The following PCDH15 variants were observed in gnomAD, a reference collection of about 807,000 sequenced individuals.
PCDH15 encodes protocadherin related 15.
A neutral mutation model predicts 178.5 loss-of-function variants in PCDH15; 129 were observed. That is an observed-to-expected ratio of 0.72 (90% CI 0.63 to 0.84). PCDH15 has a LOEUF of 0.84. Among genes scored for constraint, PCDH15 ranks in the 40% least tolerant of loss-of-function variants. The pLI, the probability that PCDH15 is intolerant of heterozygous loss-of-function variation, is 0.00. For missense variants in PCDH15, 2,230 were observed against 2,099.9 expected, an observed-to-expected ratio of 1.06 and a Z score of -1.21; for synonymous variants, 800 against 732.0, an observed-to-expected ratio of 1.09 and a Z score of -1.50.
chr10:55,157,682 A>G (rs914788242), intron 2 of PCDH15, among the ~76,000 whole-genome samples: 10 of 151,886 alleles, frequency 6.6e-5, no homozygotes, highest in Non-Finnish European at 1.5e-4. Context: ...GGAAACCATC[A>G]TTCCTAGCAA....
rs571907648 is a variant in PCDH15 at position 53,969,214 on chromosome 10, C to G, written c.2869-7322G>C. ...GCACGAGAACTATCTGAGGCATGCA[C>G]AAGCTTCAGTAGCCGATTTGATCAA... On this transcript the variant is annotated intron_variant, in intron 21 of 37. Coordinates refer to ENST00000644397, the MANE Select transcript of PCDH15 (RefSeq NM_001384140.1). Among the ~76,000 whole-genome samples, 208 of 152,230 alleles carry G rather than the reference C, an allele frequency of 1.4e-3. 1 individual carries two copies. The highest frequency in any genetic ancestry group is 4.7e-3 in the African/African-American group (197 of 41,544).
At chr10:53,899,142 CG>C (rs57832917) in intron 26 of PCDH15, among the ~76,000 whole-genome samples, 13,568 of 139,826 alleles carry the variant, frequency 0.097, 1,846 homozygotes, top group African/African-American at 0.3. Flanking sequence ...TACTTTTTTT[CG>C]GGGGGGGGTG....
intron 2 of PCDH15, among the ~76,000 whole-genome samples, chr10:55,538,844 C>CCCTTCCTTCCTT (rs1841680214): frequency 1.7e-5 from 1 of 57,832 alleles, no homozygotes; most frequent in African/African-American, 8.7e-5. Context: ...GTTCCTTCCT[C>CCCTTCCTTCCTT]CTTTCCTTCC....
intron 1 of PCDH15, among the ~76,000 whole-genome samples, chr10:55,299,445 C>A (rs1278081483): frequency 6.6e-6 from 1 of 152,132 alleles, no homozygotes; most frequent in Non-Finnish European, 1.5e-5. Flanking sequence ...ATTAGATAAT[C>A]AGAAAATGAT....
chr10:54,540,186 C>A (rs2132946004), intron 2 of PCDH15, among the ~76,000 whole-genome samples: 1 of 152,060 alleles, frequency 6.6e-6, no homozygotes, highest in South Asian at 2.1e-4. Context: ...GCATAAAAAT[C>A]CATAAAAGCA....
chr10:55,608,581 G>T (rs1843285964), intron 2 of PCDH15, among the ~76,000 whole-genome samples: 1 of 151,694 alleles, frequency 6.6e-6, no homozygotes. Flanking sequence ...AAACACCATG[G>T]GTTCTGTCTA....
intron 2 of PCDH15, among the ~76,000 whole-genome samples, chr10:55,555,225 G>T (rs1012801361): frequency 1.8e-4 from 27 of 152,032 alleles, no homozygotes; most frequent in Admixed American, 1.4e-3. Context: ...TCCTCACAAT[G>T]ATTAAAAAAG....
At chr10:54,854,244 A>G (rs1472550772) in intron 3 of PCDH15, among the ~76,000 whole-genome samples, 1 of 152,140 alleles carries the variant, frequency 6.6e-6, no homozygotes, top group Non-Finnish European at 1.5e-5. Flanking sequence ...AGATGCCAGA[A>G]ACTCCAGGGC....
At chr10:54,559,401 A>G (rs1033188515) in intron 2 of PCDH15, among the ~76,000 whole-genome samples, 1 of 152,090 alleles carries the variant, frequency 6.6e-6, no homozygotes, top group African/African-American at 2.4e-5. Context: ...CATCCTCTGT[A>G]TAAATGAAAC....
At chr10:54,247,680 A>G (rs117263063) in intron 8 of PCDH15, among the ~76,000 whole-genome samples, 3,349 of 151,878 alleles carry the variant, frequency 0.022, 55 homozygotes, top group South Asian at 0.075. Flanking sequence ...AAACATTCCA[A>G]TAGAATGAAC....
rs766793106 is a variant in PCDH15 at position 53,809,184 on chromosome 10, T to C, written c.4671+1372A>G. On this transcript the variant is annotated intron_variant, in intron 37 of 37. Transcript: ENST00000644397. ...GTGTCTCTGACTCAGATTCCTCTTC[T>C]GTAGTCTCAGACTCACTGAACTCAG... The C allele has an allele frequency of 3.7e-6, 6 of 1,613,874 alleles. No homozygotes were observed. The Admixed American group carries it at 6.7e-5, about 18-fold the overall frequency.
At chr10:54,484,833 T>C (rs1407370929) in intron 3 of PCDH15, among the ~76,000 whole-genome samples, 1 of 151,952 alleles carries the variant, frequency 6.6e-6, no homozygotes, top group Admixed American at 6.6e-5. Context: ...TTGATAGTGT[T>C]AACTGTATTC....
chr10:54,601,713 T>C (rs2092543182), intron 2 of PCDH15, among the ~76,000 whole-genome samples: 2 of 152,004 alleles, frequency 1.3e-5, no homozygotes, highest in African/African-American at 4.8e-5. Flanking sequence ...GGAATATGAT[T>C]GATGTATTAT....
At chr10:54,601,386 T>C (rs966588506) in intron 2 of PCDH15, among the ~76,000 whole-genome samples, 2 of 151,716 alleles carry the variant, frequency 1.3e-5, no homozygotes, top group Non-Finnish European at 2.9e-5. Flanking sequence ...GAACAGACAC[T>C]TTTCAAACAC....
intron 1 of PCDH15, among the ~76,000 whole-genome samples, chr10:54,695,269 G>T (rs551928819): frequency 6.6e-6 from 1 of 152,188 alleles, no homozygotes; most frequent in East Asian, 1.9e-4. Context: ...TTACTGGTTT[G>T]GATAGAAAAT....
chr10:55,429,144 T>C (rs961023520), intron 2 of PCDH15, among the ~76,000 whole-genome samples: 6 of 152,102 alleles, frequency 3.9e-5, no homozygotes, highest in Non-Finnish European at 1.5e-5. Context: ...AAATCTGACA[T>C]ATTTACCCAT....
At chr10:53,964,375 A>AAATT (rs2088715169) in intron 21 of PCDH15, among the ~76,000 whole-genome samples, 10 of 148,634 alleles carry the variant, frequency 6.7e-5, no homozygotes, top group Non-Finnish European at 1.0e-4. Flanking sequence ...TTTATAAAAA[A>AAATT]ATTTATTTAT....
At chr10:54,220,847 A>C (rs561096586) in intron 9 of PCDH15, among the ~76,000 whole-genome samples, 8 of 149,976 alleles carry the variant, frequency 5.3e-5, no homozygotes, top group Non-Finnish European at 1.2e-4. Context: ...TAAATAAATA[A>C]ATAAATAAAT....
intron 29 of PCDH15, among the ~76,000 whole-genome samples, chr10:53,836,169 A>AG (rs1396352590): frequency 6.6e-6 from 1 of 152,140 alleles, no homozygotes; most frequent in Non-Finnish European, 1.5e-5. Context: ...TACAAAGTAG[A>AG]GGTCTACTAT....
Sources: gnomAD v4.1 joint callset for allele counts (sites outside exome capture counted in the v4.1 genomes callset) on GRCh38, gnomAD v4.1.1 for gene constraint, MANE v1.5 for transcripts, NCBI Gene and HGNC (gene_info 2026-07-23, HGNC 2026-07-21) for gene names.